The following CNTNAP2 variants were observed in gnomAD, a reference collection of about 807,000 sequenced individuals.
CNTNAP2 encodes contactin-associated protein-like 2.
In CNTNAP2, 98 loss-of-function variants were observed where a neutral mutation model predicts 155.2. That is an observed-to-expected ratio of 0.63 (90% confidence interval 0.54 to 0.75). The LOEUF (loss-of-function observed/expected upper bound fraction) is 0.75. Among genes scored for constraint, CNTNAP2 ranks in the 30% least tolerant of loss-of-function variants. The pLI is 0.00. For missense variants in CNTNAP2, 1,727 were observed against 1,688.1 expected (o/e 1.02, Z -0.40); for synonymous variants, 651 against 631.2 (o/e 1.03, Z -0.47).
chr7:147,354,095 C>T (rs1796018509), intron 9 of CNTNAP2, among the ~76,000 whole-genome samples: 5 of 152,022 alleles, frequency 3.3e-5, no homozygotes, highest in Admixed American at 3.3e-4. Flanking sequence ...TGCCTAGTCA[C>T]TCTGATGATA....
Position 147,632,866 on chromosome 7 carries a change from A to C in CNTNAP2, c.1898-6240A>C, listed in dbSNP as rs979055911. ...TCTAGTCTGAGGTGGTCTCATATGA[A>C]GATGAGGAACTTATTGGGAACTGGA... On this transcript the variant is annotated intron_variant, in intron 12 of 23. Coordinates refer to ENST00000361727, the MANE Select transcript of CNTNAP2 (RefSeq NM_014141.6). Among the ~76,000 whole-genome samples, 91 of 152,242 alleles carry C rather than the reference A, an allele frequency of 6.0e-4. 1 individual carries two copies. Among genetic ancestry groups the C allele is most frequent in the Non-Finnish European group, 2.9e-5 (2 of 68,044 alleles).
chr7:146,700,667 A>C (rs1201914997), intron 1 of CNTNAP2, among the ~76,000 whole-genome samples: 1 of 152,176 alleles, frequency 6.6e-6, no homozygotes, highest in East Asian at 1.9e-4. Flanking sequence ...GTATTATTTT[A>C]CTATGTATTT....
intron 22 of CNTNAP2, among the ~76,000 whole-genome samples, chr7:148,391,841 TA>T (rs1375081063): frequency 6.6e-6 from 1 of 152,150 alleles, no homozygotes; most frequent in East Asian, 1.9e-4. Flanking sequence ...TCTGATCCCA[TA>T]AATTTCTGCA....
chr7:147,349,945 C>T (rs570435783), intron 9 of CNTNAP2, among the ~76,000 whole-genome samples: 12 of 151,968 alleles, frequency 7.9e-5, no homozygotes, highest in African/African-American at 1.7e-4. Flanking sequence ...TTACCACTAC[C>T]ATCTGGAAAG....
chr7:148,328,512 TA>T (rs763824197), intron 21 of CNTNAP2, among the ~76,000 whole-genome samples: 2 of 65,486 alleles, frequency 3.1e-5, no homozygotes, highest in East Asian at 8.6e-4. Context: ...TGGTGTTCAA[TA>T]GGCCTTGGGG....
intron 3 of CNTNAP2, among the ~76,000 whole-genome samples, chr7:147,041,300 T>C (rs1799254547): frequency 6.6e-6 from 1 of 152,162 alleles, no homozygotes. Context: ...GAATCTACAA[T>C]CTTAGTTCAA....
At chr7:147,924,337 C>T (rs535753716) in intron 14 of CNTNAP2, among the ~76,000 whole-genome samples, 60 of 151,824 alleles carry the variant, frequency 4.0e-4, no homozygotes, top group African/African-American at 1.4e-3. Flanking sequence ...CAGGGTTTCT[C>T]CATGTTGGTC....
intron 1 of CNTNAP2, among the ~76,000 whole-genome samples, chr7:146,737,894 C>T (rs1396549412): frequency 1.3e-5 from 2 of 152,028 alleles, no homozygotes; most frequent in South Asian, 2.1e-4. Flanking sequence ...AACACACATA[C>T]CACATTTGCT....
intron 1 of CNTNAP2, among the ~76,000 whole-genome samples, chr7:146,493,066 A>G (rs1211805529): frequency 6.6e-6 from 1 of 152,190 alleles, no homozygotes; most frequent in Non-Finnish European, 1.5e-5. Context: ...TAACCCTTGG[A>G]AATAAAGTAG....
At chr7:148,269,209 A>T (rs972301997) in intron 21 of CNTNAP2, among the ~76,000 whole-genome samples, 39 of 152,184 alleles carry the variant, frequency 2.6e-4, no homozygotes, top group African/African-American at 8.4e-4. Context: ...TGGAACTGGA[A>T]AACAAAAGAG....
At chr7:148,343,822 T>G (rs572001366) in intron 21 of CNTNAP2, among the ~76,000 whole-genome samples, 1 of 152,310 alleles carries the variant, frequency 6.6e-6, no homozygotes, top group South Asian at 2.1e-4. Flanking sequence ...CCAACATGAG[T>G]TCCCCGGAAT....
intron 13 of CNTNAP2, among the ~76,000 whole-genome samples, chr7:147,824,872 A>G (rs1241777017): frequency 6.6e-6 from 1 of 152,174 alleles, no homozygotes; most frequent in Non-Finnish European, 1.5e-5. Context: ...GTGTCACGTG[A>G]TACCATAATG....
intron 1 of CNTNAP2, among the ~76,000 whole-genome samples, chr7:146,483,884 G>A (rs1300543421): frequency 6.6e-6 from 1 of 152,018 alleles, no homozygotes; most frequent in African/African-American, 2.4e-5. Flanking sequence ...TCTACACAAC[G>A]AGTATAATCT....
At chr7:148,081,578 C>G (rs2116548218) in intron 15 of CNTNAP2, among the ~76,000 whole-genome samples, 1 of 152,130 alleles carries the variant, frequency 6.6e-6, no homozygotes, top group Admixed American at 6.6e-5. Context: ...TGGACTGGCT[C>G]TCTTTGCTCT....
intron 1 of CNTNAP2, among the ~76,000 whole-genome samples, chr7:146,412,701 C>T (rs146873480): frequency 3.3e-5 from 5 of 152,286 alleles, no homozygotes; most frequent in African/African-American, 1.2e-4. Context: ...AGCTGTAAGT[C>T]GCTGTGATAT....
chr7:146,745,721 G>A (rs1801798163), intron 1 of CNTNAP2, among the ~76,000 whole-genome samples: 1 of 148,588 alleles, frequency 6.7e-6, no homozygotes, highest in Non-Finnish European at 1.5e-5. Context: ...AACTGAGATT[G>A]TGCCACTGTA....
At chr7:147,772,253 G>A (rs538714480) in intron 13 of CNTNAP2, among the ~76,000 whole-genome samples, 43 of 151,168 alleles carry the variant, frequency 2.8e-4, no homozygotes, top group Middle Eastern at 3.4e-3. Context: ...GTGAAATTGC[G>A]TCTCTACTAA....
At chr7:146,179,599 T>A (rs1392176154) in intron 1 of CNTNAP2, among the ~76,000 whole-genome samples, 2 of 152,092 alleles carry the variant, frequency 1.3e-5, no homozygotes, top group Non-Finnish European at 2.9e-5. Flanking sequence ...CCTGAAGGTA[T>A]CCTAGAGATC....
rs1334456734 is a variant in CNTNAP2, at chr7:146,646,943, C to T, written c.98-127328C>T. On this transcript the variant is annotated intron_variant, in intron 1 of 23. Coordinates refer to ENST00000361727, the MANE Select transcript of CNTNAP2 (RefSeq NM_014141.6). ...CACAGGACAAATTATAAAGAAAATC[C>T]TAGAACACCCTGGAGAGAAACAATG... is the stretch of plus-strand genomic sequence containing the variant. Among the ~76,000 whole-genome samples, 3 of 152,092 alleles carry T rather than the reference C, an allele frequency of 2.0e-5. No individual in the cohort carries two copies. In the East Asian group the frequency reaches 5.8e-4, roughly 29 times the overall value.
Sources: gnomAD v4.1 joint callset for allele counts (sites outside exome capture counted in the v4.1 genomes callset) on GRCh38, gnomAD v4.1.1 for gene constraint, MANE v1.5 for transcripts, NCBI Gene and HGNC (gene_info 2026-07-23, HGNC 2026-07-21) for gene names.